Variants in THSD7B observed in about 807,000 individuals in gnomAD.
THSD7B encodes the protein thrombospondin type 1 domain containing 7B, also known as thrombospondin type-1 domain-containing protein 7B.
In THSD7B, 138 loss-of-function variants were observed where a neutral mutation model predicts 213.6. That is an observed-to-expected ratio of 0.65 (90% CI 0.56 to 0.74). THSD7B has a LOEUF of 0.74. Among genes scored for constraint, THSD7B ranks in the 30% least tolerant of loss-of-function variants. THSD7B has a pLI of 0.00. For missense variants in THSD7B, 1,931 were observed against 1,991.5 expected (o/e 0.97, Z 0.58); for synonymous variants, 742 against 687.0 (o/e 1.08, Z -1.25).
intron 20 of THSD7B, among the ~76,000 whole-genome samples, chr2:137,640,283 A>G (rs1216158889): frequency 3.3e-5 from 5 of 152,068 alleles, no homozygotes; most frequent in Non-Finnish European, 5.9e-5. Context: ...TTCTCTTACC[A>G]CCACCATGTA....
intron 2 of THSD7B, among the ~76,000 whole-genome samples, chr2:136,953,543 G>A (rs1055492100): frequency 3.1e-5 from 4 of 128,706 alleles, no homozygotes; most frequent in East Asian, 2.5e-4. Flanking sequence ...ATTTATTTCC[G>A]ATTATGCCAC....
intron 14 of THSD7B, among the ~76,000 whole-genome samples, chr2:137,446,476 C>T (rs894676414): frequency 6.6e-6 from 1 of 151,976 alleles, no homozygotes; most frequent in East Asian, 1.9e-4. Context: ...GTTGTAACAT[C>T]GATAGGGATA....
At chr2:137,451,126 A>G (rs554320996) in intron 15 of THSD7B, 103 bp downstream of exon 15, 2 of 1,227,984 alleles carry the variant, frequency 1.6e-6, no homozygotes, top group East Asian at 5.5e-5. Flanking sequence ...GCTCATTAAA[A>G]GTTATCACAA....
At chr2:137,412,104 A>C (rs1224076398) in intron 14 of THSD7B, among the ~76,000 whole-genome samples, 1 of 152,082 alleles carries the variant, frequency 6.6e-6, no homozygotes, top group Non-Finnish European at 1.5e-5. Context: ...TCTCTAATTC[A>C]CCTTTGTTTA....
At chr2:137,543,260 CAA>C (rs919295633) in intron 15 of THSD7B, among the ~76,000 whole-genome samples, 2 of 151,854 alleles carry the variant, frequency 1.3e-5, no homozygotes, top group Non-Finnish European at 2.9e-5. Flanking sequence ...ACCATATACG[CAA>C]AGTCTTTTTT....
At chr2:137,620,485 C>A in intron 19 of THSD7B, 124 bp from the exon 20 acceptor site, 1 of 636,814 alleles carries the variant, frequency 1.6e-6, no homozygotes. Context: ...AAAGGATATA[C>A]TTCCCCACTG....
chr2:137,471,223 C>T (rs761145048), intron 15 of THSD7B, among the ~76,000 whole-genome samples: 1 of 152,134 alleles, frequency 6.6e-6, no homozygotes, highest in African/African-American at 2.4e-5. Flanking sequence ...ACCTGGCCAG[C>T]TCTTCCCATT....
At chr2:137,430,080 A>C (rs1441406500) in intron 14 of THSD7B, among the ~76,000 whole-genome samples, 1 of 151,844 alleles carries the variant, frequency 6.6e-6, no homozygotes, top group Non-Finnish European at 1.5e-5. Context: ...CCATCTCCAC[A>C]AAAATTTTAA....
chr2:137,353,991 T>C (rs563763723), intron 12 of THSD7B, among the ~76,000 whole-genome samples: 1 of 152,082 alleles, frequency 6.6e-6, no homozygotes, highest in Non-Finnish European at 1.5e-5. Flanking sequence ...GTCTCCCAGC[T>C]GAGTCTGATG....
At chr2:136,969,105 T>C (rs987108149) in intron 2 of THSD7B, among the ~76,000 whole-genome samples, 4 of 152,160 alleles carry the variant, frequency 2.6e-5, no homozygotes, top group Admixed American at 6.5e-5. Flanking sequence ...TGCTTGCCAT[T>C]GTAGTAAAGA....
chr2:137,147,560 G>A (rs1035706830), intron 5 of THSD7B, among the ~76,000 whole-genome samples: 14 of 151,690 alleles, frequency 9.2e-5, no homozygotes, highest in South Asian at 2.1e-4. Flanking sequence ...CTTATAAAGA[G>A]GTTTAAGCTT....
In THSD7B at chr2:137,315,213, G is replaced by A. The variant is rs551316925; in HGVS notation, c.2500+39187G>A. 5.9e-5 allele frequency among the ~76,000 whole-genome samples: 9 copies of A among 152,292 alleles called. No individual in the cohort carries two copies. The South Asian group carries it at 1.5e-3, about 25-fold the overall frequency. ...GGTGCGGGATATAATCTCCTGGTGC[G>A]CTGTTTTTTAAGCCCATCAGAAAAG... On this transcript the variant is annotated intron_variant, in intron 12 of 27. Coordinates refer to ENST00000409968, the MANE Select transcript of THSD7B (RefSeq NM_001316349.2).
chr2:137,206,409 A>G (rs1288031536), intron 7 of THSD7B, among the ~76,000 whole-genome samples: 2 of 152,062 alleles, frequency 1.3e-5, no homozygotes, highest in Admixed American at 6.6e-5. Context: ...AGTCCCAAAT[A>G]CACAATCACA....
intron 12 of THSD7B, among the ~76,000 whole-genome samples, chr2:137,383,283 A>C (rs998936085): frequency 1.3e-5 from 2 of 152,186 alleles, no homozygotes; most frequent in Non-Finnish European, 2.9e-5. Flanking sequence ...ACATTGGGGT[A>C]ACATCACCAT....
intron 15 of THSD7B, among the ~76,000 whole-genome samples, chr2:137,498,803 A>G (rs1299052182): frequency 6.6e-6 from 1 of 152,186 alleles, no homozygotes; most frequent in Admixed American, 6.5e-5. Context: ...TAGCCCTTCC[A>G]AAACCCTGAG....
chr2:137,079,367 A>G (rs967186131), intron 3 of THSD7B, among the ~76,000 whole-genome samples: 1 of 152,050 alleles, frequency 6.6e-6, no homozygotes, highest in Non-Finnish European at 1.5e-5. Context: ...TTTTTCCAGC[A>G]TCTTCTGTAT....
chr2:137,164,283 G>T (rs577340863), intron 6 of THSD7B, among the ~76,000 whole-genome samples: 21 of 152,124 alleles, frequency 1.4e-4, no homozygotes, highest in African/African-American at 5.1e-4. Flanking sequence ...AGGGCTTAAG[G>T]CATCATCACT....
At chr2:136,775,384 G>A (rs1416077198) in intron 1 of THSD7B, among the ~76,000 whole-genome samples, 2 of 152,048 alleles carry the variant, frequency 1.3e-5, no homozygotes, top group Non-Finnish European at 2.9e-5. Context: ...GATCAGCTCT[G>A]CTCACTCCAT....
At chr2:137,132,969 C>T (rs989407447) in intron 5 of THSD7B, among the ~76,000 whole-genome samples, 3 of 152,186 alleles carry the variant, frequency 2.0e-5, no homozygotes, top group Non-Finnish European at 2.9e-5. Flanking sequence ...CTTTACAAAA[C>T]ACTGACAGTC....
Sources: allele counts gnomAD v4.1 joint callset (sites outside exome capture counted in the v4.1 genomes callset), GRCh38; gene constraint gnomAD v4.1.1; transcripts MANE v1.5; gene names NCBI Gene and HGNC (gene_info 2026-07-23, HGNC 2026-07-21).